DNAH9: variants seen among roughly 807,000 people sequenced by gnomAD.
The protein encoded by DNAH9 is DNAH9 variant protein.
DNAH9 carries 345 observed loss-of-function variants against 471.6 expected under a neutral mutation model. That is an observed-to-expected ratio of 0.73 (90% CI 0.67 to 0.80). The LOEUF (loss-of-function observed/expected upper bound fraction) is 0.80, where lower values mean the gene tolerates loss of function less well. Ranked by LOEUF, DNAH9 falls within the 30% of genes least tolerant of loss-of-function variation. DNAH9 has a pLI of 0.00. For missense variants in DNAH9, 5,407 were observed against 5,609.2 expected, an observed-to-expected ratio of 0.96 and a Z score of 1.15; for synonymous variants, 2,093 against 2,123.6, an observed-to-expected ratio of 0.99 and a Z score of 0.40.
rs34041984 is a variant in DNAH9, at chr17:11,752,046, A to G, written c.6611-787A>G. Among the ~76,000 whole-genome samples the G allele has an allele frequency of 5.7e-3, 861 of 152,340 alleles. 4 individuals carry two copies. Among genetic ancestry groups the G allele is most frequent in the Middle Eastern group, 0.014 (4 of 294 alleles). On this transcript the variant is annotated intron_variant, in intron 32 of 68. Coordinates refer to ENST00000262442, the MANE Select transcript of DNAH9 (RefSeq NM_001372.4). ...TAGGAACACATTTAACCAAACACAT[A>G]TATTTTAAAATCTGTAAAAATGTAT...
intron 62 of DNAH9, among the ~76,000 whole-genome samples, chr17:11,929,236 G>A (rs919453374): frequency 3.3e-5 from 5 of 151,700 alleles, no homozygotes; most frequent in African/African-American, 9.7e-5. Flanking sequence ...GGGTTTCACC[G>A]TGTTAGCCAG....
At chr17:11,881,168 C>T (rs200608894) in intron 54 of DNAH9, 41 bp from the exon 55 acceptor site, 1 of 1,601,600 alleles carries the variant, frequency 6.2e-7, no homozygotes, top group East Asian at 2.2e-5. Context: ...CCAAATTTTG[C>T]AGGAAGGCAC....
intron 45 of DNAH9, among the ~76,000 whole-genome samples, chr17:11,815,228 C>T: frequency 6.6e-6 from 1 of 151,636 alleles, no homozygotes; most frequent in Non-Finnish European, 1.5e-5. Flanking sequence ...AACTGAAGTC[C>T]TATACAAGTT....
chr17:11,726,006 G>C (rs938004549), intron 27 of DNAH9, among the ~76,000 whole-genome samples: 4 of 152,094 alleles, frequency 2.6e-5, no homozygotes, highest in Admixed American at 2.6e-4. Context: ...GTAATTCAAG[G>C]CTTTTTACAA....
At chr17:11,782,309 A>G (rs1968700935) in intron 39 of DNAH9, among the ~76,000 whole-genome samples, 2 of 152,178 alleles carry the variant, frequency 1.3e-5, no homozygotes, top group South Asian at 4.1e-4. Flanking sequence ...TGGAAATTCT[A>G]CCATATGGCC....
At chr17:11,703,991 G>C (rs1209193512) in intron 24 of DNAH9, among the ~76,000 whole-genome samples, 1 of 152,176 alleles carries the variant, frequency 6.6e-6, no homozygotes, top group African/African-American at 2.4e-5. Flanking sequence ...ATTTTTTCAG[G>C]AGCAGAAAGT....
intron 51 of DNAH9, among the ~76,000 whole-genome samples, chr17:11,870,336 C>T (rs571394062): frequency 1.3e-5 from 2 of 152,208 alleles, no homozygotes; most frequent in Admixed American, 1.3e-4. Context: ...CTCTGCAAAG[C>T]AAGTCAAATG....
At chr17:11,873,063 G>A (rs890555277) in intron 52 of DNAH9, among the ~76,000 whole-genome samples, 3 of 152,334 alleles carry the variant, frequency 2.0e-5, no homozygotes, top group African/African-American at 7.2e-5. Flanking sequence ...TGTTTTCTCA[G>A]ATCAGCTCAT....
At chr17:11,728,716 C>T (rs892199613) in intron 28 of DNAH9, among the ~76,000 whole-genome samples, 1 of 152,120 alleles carries the variant, frequency 6.6e-6, no homozygotes, top group South Asian at 2.1e-4. Flanking sequence ...AGGGGGGGAA[C>T]GTTTGAATAA....
intron 27 of DNAH9, chr17:11,723,062 C>G (rs1005220420): frequency 2.0e-5 from 3 of 152,292 alleles, no homozygotes; most frequent in African/African-American, 7.2e-5. Flanking sequence ...TTTGCTGATC[C>G]TCTTTTATAA....
At chr17:11,856,543 C>CAAAAAAAAA (rs34782323) in intron 50 of DNAH9, among the ~76,000 whole-genome samples, 9 of 137,084 alleles carry the variant, frequency 6.6e-5, no homozygotes, top group African/African-American at 2.5e-4. Flanking sequence ...ACTAAAAATA[C>CAAAAAAAAA]AAAAAAAAAA....
rs189634463 is a variant in DNAH9, at chr17:11,930,158, G to A, written c.12105+65G>A. The A allele has an allele frequency of 6.5e-5, 91 of 1,389,582 alleles. No homozygotes were observed. In the South Asian group the frequency reaches 1.1e-3, roughly 17 times the overall value. 86.1% of individuals were successfully genotyped at this position (1,389,582 alleles called of 1,614,324 possible). On this transcript the variant is annotated intron_variant, in intron 63 of 68. Transcript: ENST00000262442. ...CACAGTCAGCTGATGCAAACTGGTG[G>A]GGGGAGAGCATGCAACTCAGAAGGG...
Position 11,871,024 on chromosome 17 carries a change from T to C in DNAH9, c.10054-574T>C, listed in dbSNP as rs550475876. 2.0e-5 allele frequency among the ~76,000 whole-genome samples: 3 copies of C among 152,260 alleles called. No individual in the cohort carries two copies. The South Asian group carries it at 6.2e-4, about 32-fold the overall frequency. ...AGCTCCGCCATACCACTAACAGTCC[T>C]CTGTAGAAAGAATGGCTCTCCTCCC... On this transcript the variant is annotated intron_variant, in intron 51 of 68. Transcript: ENST00000262442.
intron 3 of DNAH9, among the ~76,000 whole-genome samples, chr17:11,610,954 G>T (rs1265819199): frequency 6.6e-6 from 1 of 152,120 alleles, no homozygotes; most frequent in East Asian, 1.9e-4. Flanking sequence ...TTGGGGAGTT[G>T]GCTGCAGAAC....
intron 33 of DNAH9, among the ~76,000 whole-genome samples, chr17:11,754,141 A>C (rs574042218): frequency 5.7e-4 from 86 of 152,208 alleles, no homozygotes; most frequent in African/African-American, 1.8e-3. Flanking sequence ...CCCAAAAAAA[A>C]AAAACAAAAC....
At position 11,823,041 on chromosome 17, in the gene DNAH9, A is replaced by G; in HGVS notation, c.9246+7A>G. On this transcript the variant is annotated splice_region_variant and intron_variant, in intron 48 of 68. Coordinates refer to ENST00000262442, the MANE Select transcript of DNAH9 (RefSeq NM_001372.4). ...GCATAGCACCTCTGCCCAGGTGAGC[A>G]ATGTCCCGCTCCTTCCACCTGCAGG... 1 of 1,606,804 alleles carries G rather than the reference A, an allele frequency of 6.2e-7. No individual in the cohort carries two copies. The highest frequency in any genetic ancestry group is 8.5e-7 in the Non-Finnish European group (1 of 1,175,976).
chr17:11,880,767 G>C (rs1197799740), intron 54 of DNAH9, among the ~76,000 whole-genome samples: 1 of 152,112 alleles, frequency 6.6e-6, no homozygotes, highest in Admixed American at 6.6e-5. Context: ...TGCCTTTACT[G>C]TCCTCAAGTC....
rs754488532 is a variant in DNAH9 at position 11,694,406 on chromosome 17, G to C, written c.4831G>C (p.Asp1611His). The C allele has an allele frequency of 6.2e-7, 1 of 1,613,092 alleles. No individual in the cohort carries two copies. Among genetic ancestry groups the C allele is most frequent in the South Asian group, 1.1e-5 (1 of 90,974 alleles). Residue 1611 changes from aspartate (D) to histidine (H), a missense_variant, in exon 22 of 69, where the codon GAT (aspartate) becomes CAT (histidine). By Grantham distance (81) the Asp-to-His change is moderately conservative. Transcript: ENST00000262442. ...FPRFYFLSSSDLLDILSNGTA... is the reference protein window; with the variant it reads ...FPRFYFLSSSHLLDILSNGTA... Reference sequence around the variant, plus strand: ...GCGGTTTTACTTTCTCTCCTCCTCCGATCTGTTAGACATCCTTTCCAACGG... The same window carrying C: ...GCGGTTTTACTTTCTCTCCTCCTCCCATCTGTTAGACATCCTTTCCAACGG...
At chr17:11,795,702 C>A (rs1361868759) in intron 42 of DNAH9, among the ~76,000 whole-genome samples, 2 of 152,154 alleles carry the variant, frequency 1.3e-5, no homozygotes, top group African/African-American at 2.4e-5. Flanking sequence ...GTTGGCCTGG[C>A]AAATTAGTCT....
Sources: gnomAD v4.1 joint callset for allele counts (sites outside exome capture counted in the v4.1 genomes callset) on GRCh38, gnomAD v4.1.1 for gene constraint, MANE v1.5 for transcripts, NCBI Gene and HGNC (gene_info 2026-07-23, HGNC 2026-07-21) for gene names.